B3GALT1: variants seen among roughly 807,000 people sequenced by gnomAD.
B3GALT1 encodes UDP-Gal:betaGlcNAc beta 1,3-galactosyltransferase, polypeptide 1.
Under a neutral mutation model 23.2 loss-of-function variants are expected in B3GALT1, and 10 were observed. The ratio of observed to expected loss-of-function variants is 0.43; its 90% CI spans 0.27 to 0.73. The LOEUF (loss-of-function observed/expected upper bound fraction) is 0.73, where lower values mean the gene tolerates loss of function less well. B3GALT1 is among the 30% of genes least tolerant of loss of function. The pLI, the probability that B3GALT1 is intolerant of heterozygous loss-of-function variation, is 0.21. For missense variants in B3GALT1, 299 were observed against 405.4 expected (o/e 0.74, Z 2.25); for synonymous variants, 156 against 141.5 (o/e 1.10, Z -0.73).
At chr2:167,563,514 C>T (rs1342825009) in intron 2 of B3GALT1, among the ~76,000 whole-genome samples, 6 of 1,742 alleles carry the variant, frequency 3.4e-3, no homozygotes, top group African/African-American at 0.019. Flanking sequence ...ACCTCCCGGA[C>T]GGGGCGGCTG....
chr2:167,526,389 T>C (rs73024093), intron 2 of B3GALT1, among the ~76,000 whole-genome samples: 5,928 of 152,252 alleles, frequency 0.039, 220 homozygotes, highest in African/African-American at 0.098. Context: ...TCCGTTTACT[T>C]ATTCATTCAA....
At chr2:167,731,018 A>C (rs182436021) in intron 3 of B3GALT1, among the ~76,000 whole-genome samples, 1 of 152,160 alleles carries the variant, frequency 6.6e-6, no homozygotes, top group South Asian at 2.1e-4. Flanking sequence ...GAGATCATGT[A>C]AGCCCCTCAA....
intron 3 of B3GALT1, among the ~76,000 whole-genome samples, chr2:167,725,447 C>T (rs1174412379): frequency 6.6e-6 from 1 of 152,072 alleles, no homozygotes; most frequent in Non-Finnish European, 1.5e-5. Flanking sequence ...CTCTGGAAAC[C>T]CTGAACTAAT....
chr2:167,371,489 G>C (rs561819555), intron 1 of B3GALT1, among the ~76,000 whole-genome samples: 1 of 152,216 alleles, frequency 6.6e-6, no homozygotes, highest in Admixed American at 6.5e-5. Context: ...AAATGTTCTT[G>C]TGAAGTACTT....
intron 3 of B3GALT1, among the ~76,000 whole-genome samples, chr2:167,809,182 C>A (rs1050943436): frequency 1.2e-4 from 18 of 152,238 alleles, no homozygotes; most frequent in African/African-American, 4.3e-4. Flanking sequence ...GTTAGCCATT[C>A]GTCTAATCTT....
chr2:167,689,972 G>A (rs1010118498), intron 3 of B3GALT1, among the ~76,000 whole-genome samples: 1 of 152,092 alleles, frequency 6.6e-6, no homozygotes, highest in African/African-American at 2.4e-5. Flanking sequence ...AATGAGCTTC[G>A]TAAGAAGACA....
chr2:167,298,142 A>C (rs1306050944), intron 1 of B3GALT1, among the ~76,000 whole-genome samples: 2 of 152,134 alleles, frequency 1.3e-5, no homozygotes, highest in Non-Finnish European at 2.9e-5. Context: ...GCTGATTATG[A>C]AACTGTTAAT....
In B3GALT1 at chr2:167,832,715, C is replaced by T. The variant is rs142491085; in HGVS notation, c.-230+13922C>T. The stretch of plus-strand genomic sequence containing the variant: ...ATTAGTTACTATGCAATTGCATTAA[C>T]ATCAAATGGTTAGATTTTAAACAGC... On this transcript the variant is annotated intron_variant, in intron 4 of 4. Transcript: ENST00000392690. Among the ~76,000 whole-genome samples the T allele has an allele frequency of 3.0e-3, 455 of 152,342 alleles. 3 individuals are homozygous for T. Among genetic ancestry groups the T allele is most frequent in the African/African-American group, 0.011 (438 of 41,572 alleles).
At chr2:167,866,383 C>T (rs570459776) in intron 4 of B3GALT1, among the ~76,000 whole-genome samples, 2 of 152,292 alleles carry the variant, frequency 1.3e-5, no homozygotes, top group East Asian at 1.9e-4. Flanking sequence ...TACTTGAAAC[C>T]TTTCCTCCTA....
At chr2:167,766,964 A>G (rs1687987013) in intron 3 of B3GALT1, among the ~76,000 whole-genome samples, 1 of 152,124 alleles carries the variant, frequency 6.6e-6, no homozygotes, top group Admixed American at 6.5e-5. Flanking sequence ...CTTGGTAGCC[A>G]TTGCTATGAT....
intron 2 of B3GALT1, among the ~76,000 whole-genome samples, chr2:167,609,397 T>G (rs1351272323): frequency 6.6e-6 from 1 of 152,090 alleles, no homozygotes; most frequent in Non-Finnish European, 1.5e-5. Flanking sequence ...AAAAGCCAAC[T>G]TAAGCTGATT....
chr2:167,810,468 G>T (rs1255088270), intron 3 of B3GALT1, among the ~76,000 whole-genome samples: 1 of 150,998 alleles, frequency 6.6e-6, no homozygotes, highest in Non-Finnish European at 1.5e-5. Flanking sequence ...GAACAGATTG[G>T]TATTTAGGAG....
At chr2:167,345,071 C>CT (rs1253796166) in intron 1 of B3GALT1, among the ~76,000 whole-genome samples, 3 of 152,158 alleles carry the variant, frequency 2.0e-5, no homozygotes, top group Non-Finnish European at 4.4e-5. Context: ...TGAACCCTTA[C>CT]TATGTGCCCA....
rs34276280 is a variant in B3GALT1, at chr2:167,863,990, ATGTGTGTG to A, written c.-229-4791_-229-4784del. On this transcript the variant is annotated intron_variant, in intron 4 of 4. Coordinates refer to ENST00000392690, the MANE Select transcript of B3GALT1 (RefSeq NM_020981.4). Reference sequence around the variant, plus strand: ...TGATTCTGTGTGCATGCATGTATGTATGTGTGTGTGTGTGTGTGTGTGTGTGTGTGTGT... The same window carrying A: ...TGATTCTGTGTGCATGCATGTATGTATGTGTGTGTGTGTGTGTGTGTGTGT... Among the ~76,000 whole-genome samples, 476 of 143,720 alleles carry A rather than the reference ATGTGTGTG, an allele frequency of 3.3e-3. 5 individuals are homozygous for A. The highest frequency in any genetic ancestry group is 0.017 in the Admixed American group (244 of 14,588). 94.3% of individuals were successfully genotyped at this position (143,720 alleles called of 152,430 possible). A position where few individuals can be genotyped will look rare whatever the true frequency, so the allele number is the denominator to read the frequency against.
chr2:167,826,559 TGGGGTGAGTGTAAGG>T, intron 4 of B3GALT1, among the ~76,000 whole-genome samples: 1 of 152,070 alleles, frequency 6.6e-6, no homozygotes, highest in Admixed American at 6.5e-5. Flanking sequence ...CTGTCAGGAA[TGGGGTGAGTGTAAGG>T]GATCAGGTGA....
At chr2:167,298,792 T>C (rs181814060) in intron 1 of B3GALT1, among the ~76,000 whole-genome samples, 20 of 152,204 alleles carry the variant, frequency 1.3e-4, no homozygotes, top group Non-Finnish European at 2.9e-4. Flanking sequence ...AGTTTTTTGT[T>C]ACTGTTTTTC....
At chr2:167,499,470 C>T (rs538810025) in intron 2 of B3GALT1, among the ~76,000 whole-genome samples, 25 of 152,008 alleles carry the variant, frequency 1.6e-4, no homozygotes, top group Non-Finnish European at 2.6e-4. Context: ...AGCAGTAAAA[C>T]GAAATCTTTG....
At chr2:167,588,789 A>G (rs1016215966) in intron 2 of B3GALT1, among the ~76,000 whole-genome samples, 1 of 151,802 alleles carries the variant, frequency 6.6e-6, no homozygotes, top group South Asian at 2.1e-4. Context: ...TTATATATAT[A>G]TATAATTCTT....
At chr2:167,433,569 T>C (rs1438438147) in intron 1 of B3GALT1, among the ~76,000 whole-genome samples, 1 of 152,146 alleles carries the variant, frequency 6.6e-6, no homozygotes, top group Non-Finnish European at 1.5e-5. Flanking sequence ...TATAGGAAAC[T>C]AAGGTTCTGA....
Sources: allele counts gnomAD v4.1 joint callset (sites outside exome capture counted in the v4.1 genomes callset), GRCh38; gene constraint gnomAD v4.1.1; transcripts MANE v1.5; gene names NCBI Gene and HGNC (gene_info 2026-07-23, HGNC 2026-07-21).